The following CHSY3 variants were observed in gnomAD, a reference collection of about 807,000 sequenced individuals.
CHSY3 encodes chondroitin sulfate synthase 3.
Under a neutral mutation model 67.2 loss-of-function variants are expected in CHSY3, and 35 were observed. That is an observed-to-expected ratio of 0.52 (90% CI 0.40 to 0.69). The LOEUF (loss-of-function observed/expected upper bound fraction) is 0.69. CHSY3 is among the 30% of genes least tolerant of loss of function. The pLI is 0.00. For synonymous variants in CHSY3, 474 were observed against 434.7 expected, an observed-to-expected ratio of 1.09 and a Z score of -1.12; for missense variants, 1,069 against 1,138.5, an observed-to-expected ratio of 0.94 and a Z score of 0.88.
At position 129,904,666 on chromosome 5, in the gene CHSY3, C is replaced by G; in HGVS notation, c.-164C>G. The stretch of plus-strand genomic sequence containing the variant: ...GCAGGCAGCTGCAGCCCGCGGCAGT[C>G]GAGGCGTCCGCGGCGCTTCGACCTC... On this transcript the variant is annotated 5_prime_UTR_variant, in exon 1 of 3. Transcript: ENST00000305031. The G allele has an allele frequency of 9.0e-7, 1 of 1,112,322 alleles. No individual in the cohort carries two copies. The highest frequency in any genetic ancestry group is 1.1e-6 in the Non-Finnish European group (1 of 886,794). The allele number at this position is 1,112,322 out of a possible 1,614,324, so 68.9% of individuals were successfully genotyped here.
At chr5:130,012,808 CTCATGTCCTCACGTT>C (rs1458995345) in intron 2 of CHSY3, among the ~76,000 whole-genome samples, 1 of 152,042 alleles carries the variant, frequency 6.6e-6, no homozygotes, top group East Asian at 1.9e-4. Context: ...CCTCACAAAT[CTCATGTCCTCACGTT>C]TCAAAACACC....
At chr5:130,093,967 C>T (rs1362199722) in intron 2 of CHSY3, among the ~76,000 whole-genome samples, 1 of 152,126 alleles carries the variant, frequency 6.6e-6, no homozygotes, top group Non-Finnish European at 1.5e-5. Flanking sequence ...TCCCACTTCA[C>T]CATTATCTAC....
chr5:129,920,340 A>G (rs1348348248), intron 2 of CHSY3, among the ~76,000 whole-genome samples: 1 of 152,136 alleles, frequency 6.6e-6, no homozygotes, highest in East Asian at 1.9e-4. Flanking sequence ...CCGCCTCCCA[A>G]GTTCAAGCTA....
intron 2 of CHSY3, among the ~76,000 whole-genome samples, chr5:130,036,673 C>T (rs1379848837): frequency 6.6e-6 from 1 of 152,144 alleles, no homozygotes; most frequent in Non-Finnish European, 1.5e-5. Flanking sequence ...CTTCGGCTCC[C>T]TAAGCCTCAG....
chr5:130,116,568 T>C (rs1380825734), intron 2 of CHSY3, among the ~76,000 whole-genome samples: 2 of 152,214 alleles, frequency 1.3e-5, no homozygotes, highest in African/African-American at 4.8e-5. Flanking sequence ...TAATAGTCTC[T>C]GTAGTTGGCT....
intron 2 of CHSY3, among the ~76,000 whole-genome samples, chr5:130,159,079 C>T (rs902716558): frequency 3.3e-5 from 5 of 151,716 alleles, no homozygotes; most frequent in African/African-American, 1.2e-4. Context: ...GGATTACAGG[C>T]GTGAACCATG....
At chr5:130,100,930 C>T (rs1245307822) in intron 2 of CHSY3, among the ~76,000 whole-genome samples, 3 of 152,190 alleles carry the variant, frequency 2.0e-5, no homozygotes, top group Admixed American at 1.3e-4. Context: ...CTCACCTCAA[C>T]TTTGCCTTGA....
chr5:130,103,519 G>A (rs1220763296), intron 2 of CHSY3, among the ~76,000 whole-genome samples: 1 of 151,786 alleles, frequency 6.6e-6, no homozygotes, highest in Admixed American at 6.6e-5. Context: ...TTCCATTCAA[G>A]TTTCATCTTT....
chr5:129,917,115 AG>A (rs1760754845), intron 2 of CHSY3, among the ~76,000 whole-genome samples: 1 of 152,122 alleles, frequency 6.6e-6, no homozygotes. Flanking sequence ...TTGTATTTTA[AG>A]TTTAGCACTA....
At chr5:130,170,003 T>A (rs917787011) in intron 2 of CHSY3, among the ~76,000 whole-genome samples, 1 of 152,122 alleles carries the variant, frequency 6.6e-6, no homozygotes. Context: ...TTATTTTAGA[T>A]TCAAGAGGTA....
intron 2 of CHSY3, among the ~76,000 whole-genome samples, chr5:130,174,356 T>A (rs978545550): frequency 6.6e-6 from 1 of 152,020 alleles, no homozygotes; most frequent in African/African-American, 2.4e-5. Flanking sequence ...TGAAGTAACT[T>A]CTTTACATAA....
At chr5:129,931,749 C>G (rs554200467) in intron 2 of CHSY3, among the ~76,000 whole-genome samples, 1 of 152,174 alleles carries the variant, frequency 6.6e-6, no homozygotes, top group South Asian at 2.1e-4. Flanking sequence ...TTTTAAGTAT[C>G]TAATTCTAGT....
chr5:129,930,069 C>G (rs1761248116), intron 2 of CHSY3, among the ~76,000 whole-genome samples: 1 of 152,112 alleles, frequency 6.6e-6, no homozygotes, highest in African/African-American at 2.4e-5. Context: ...CTTAAGCAAG[C>G]ATGGATGGAA....
At chr5:130,125,751 C>G (rs192932253) in intron 2 of CHSY3, among the ~76,000 whole-genome samples, 33 of 152,160 alleles carry the variant, frequency 2.2e-4, no homozygotes, top group African/African-American at 7.2e-4. Flanking sequence ...GTGGCAAAAC[C>G]GAAAGCAAAA....
At chr5:130,001,250 G>A (rs4533923) in intron 2 of CHSY3, 84,031 of 161,882 alleles carry the variant, frequency 0.52, 22,558 homozygotes, top group East Asian at 0.61. Context: ...CAGGTTACCT[G>A]GAGGTTGAAT....
At position 129,998,436 on chromosome 5, in the gene CHSY3, C is replaced by T. The variant is rs1275544288; in HGVS notation, c.1086+90076C>T. Among the ~76,000 whole-genome samples, 5 of 152,130 alleles carry T rather than the reference C, an allele frequency of 3.3e-5. No homozygotes were observed. In the East Asian group the frequency reaches 9.7e-4, roughly 29 times the overall value. ...TGTGTTTTGATATTTAAAAGCAATGCTACAATAATTATTATGGTAAATAAT... is the reference window on the plus strand; with the variant it reads ...TGTGTTTTGATATTTAAAAGCAATGTTACAATAATTATTATGGTAAATAAT... On this transcript the variant is annotated intron_variant, in intron 2 of 2. Coordinates refer to ENST00000305031, the MANE Select transcript of CHSY3 (RefSeq NM_175856.5).
intron 2 of CHSY3, among the ~76,000 whole-genome samples, chr5:129,908,743 T>C (rs1366275499): frequency 1.3e-5 from 2 of 152,154 alleles, no homozygotes; most frequent in Non-Finnish European, 2.9e-5. Context: ...GCCTTTTTAT[T>C]TTATTTTATT....
intron 2 of CHSY3, among the ~76,000 whole-genome samples, chr5:129,920,899 G>A (rs1307085729): frequency 1.3e-5 from 2 of 151,906 alleles, no homozygotes; most frequent in Non-Finnish European, 2.9e-5. Flanking sequence ...ACCCTCTGCA[G>A]CCTCGACTTC....
intron 2 of CHSY3, among the ~76,000 whole-genome samples, chr5:130,058,295 A>C (rs1216536638): frequency 2.0e-5 from 3 of 152,154 alleles, no homozygotes; most frequent in African/African-American, 7.2e-5. Flanking sequence ...AAAATGGACA[A>C]GGAAAGATGA....
Sources: allele counts gnomAD v4.1 joint callset (sites outside exome capture counted in the v4.1 genomes callset), GRCh38; gene constraint gnomAD v4.1.1; transcripts MANE v1.5; gene names NCBI Gene and HGNC (gene_info 2026-07-23, HGNC 2026-07-21).